The following NR6A1 variants were observed in gnomAD, a reference collection of about 807,000 sequenced individuals.
NR6A1 encodes retinoic acid receptor-related testis-associated receptor.
Under a neutral mutation model 59.1 loss-of-function variants are expected in NR6A1, and 7 were observed. The ratio of observed to expected loss-of-function variants is 0.12; its 90% CI spans 0.07 to 0.22. NR6A1 has a LOEUF of 0.22. Among genes scored for constraint, NR6A1 ranks in the 10% least tolerant of loss-of-function variants. The probability of loss-of-function intolerance (pLI) is 1.00; values close to 1 mark genes in which losing one functional copy is unlikely to be tolerated. For synonymous variants in NR6A1, 243 were observed against 236.1 expected, an observed-to-expected ratio of 1.03 and a Z score of -0.27; for missense variants, 468 against 611.6, an observed-to-expected ratio of 0.77 and a Z score of 2.48.
In NR6A1 at chr9:124,519,773, G is replaced by C. The variant is rs1222619683; in HGVS notation, c.*2932C>G. The C allele has an allele frequency of 1.3e-5, 2 of 151,828 alleles. No individual in the cohort carries two copies. Among genetic ancestry groups the C allele is most frequent in the African/African-American group, 4.8e-5 (2 of 41,276 alleles). The allele number at this position is 151,828 out of a possible 1,614,324, so 9.4% of individuals were successfully genotyped here. ...AAAAGTTAGCCGGGTGTGGTGGCGGGCGCCTGTAGTCCCAGCTACTCAGGA... is the reference window on the plus strand; with the variant it reads ...AAAAGTTAGCCGGGTGTGGTGGCGGCCGCCTGTAGTCCCAGCTACTCAGGA... On this transcript the variant is annotated 3_prime_UTR_variant, in exon 10 of 10. Coordinates refer to ENST00000487099, the MANE Select transcript of NR6A1 (RefSeq NM_033334.4).
intron 1 of NR6A1, among the ~76,000 whole-genome samples, chr9:124,760,838 A>G (rs1302791019): frequency 6.6e-6 from 1 of 152,332 alleles, no homozygotes; most frequent in African/African-American, 2.4e-5. Flanking sequence ...GTTAGGCCAC[A>G]CTCCAGAGTC....
chr9:124,565,866 T>C (rs1311232372), intron 2 of NR6A1, among the ~76,000 whole-genome samples: 7 of 152,232 alleles, frequency 4.6e-5, no homozygotes, highest in Non-Finnish European at 2.9e-5. Flanking sequence ...ATATTGTTGG[T>C]AGGACTGTTT....
intron 2 of NR6A1, among the ~76,000 whole-genome samples, chr9:124,725,034 T>C (rs1411407186): frequency 6.6e-6 from 1 of 152,204 alleles, no homozygotes; most frequent in Non-Finnish European, 1.5e-5. Context: ...TGACTTCTAT[T>C]CTCTAACTTC....
chr9:124,633,112 AAG>A (rs1588725783), intron 2 of NR6A1, among the ~76,000 whole-genome samples: 2 of 152,156 alleles, frequency 1.3e-5, no homozygotes, highest in African/African-American at 4.8e-5. Flanking sequence ...AGATGAATGG[AAG>A]ACACTTCAGG....
chr9:124,571,909 C>T (rs1372971240), intron 2 of NR6A1, among the ~76,000 whole-genome samples: 2 of 151,598 alleles, frequency 1.3e-5, no homozygotes, highest in Non-Finnish European at 2.9e-5. Flanking sequence ...TGATGAGTTT[C>T]TCTTACTTAC....
intron 2 of NR6A1, among the ~76,000 whole-genome samples, chr9:124,618,940 G>A (rs1322693974): frequency 6.6e-6 from 1 of 152,136 alleles, no homozygotes; most frequent in African/African-American, 2.4e-5. Flanking sequence ...GGGGGAGGAC[G>A]AATTTAGCAG....
intron 7 of NR6A1, among the ~76,000 whole-genome samples, chr9:124,533,575 G>A (rs1478164189): frequency 2.0e-5 from 3 of 152,174 alleles, no homozygotes; most frequent in Non-Finnish European, 4.4e-5. Context: ...CTGGGTGGGA[G>A]GGGGAGATGG....
intron 9 of NR6A1, among the ~76,000 whole-genome samples, chr9:124,524,442 T>C (rs1030280276): frequency 2.0e-5 from 3 of 152,246 alleles, no homozygotes; most frequent in Non-Finnish European, 2.9e-5. Flanking sequence ...AAAATGGCTA[T>C]AATATTGCCA....
chr9:124,580,397 T>C lies in NR6A1; in HGVS notation c.143-25827A>G, dbSNP rs563974665. Among the ~76,000 whole-genome samples the C allele has an allele frequency of 5.3e-5, 8 of 152,046 alleles. No individual in the cohort carries two copies. In the South Asian group the frequency reaches 1.7e-3, roughly 32 times the overall value. On this transcript the variant is annotated intron_variant, in intron 2 of 9. Coordinates refer to ENST00000487099, the MANE Select transcript of NR6A1 (RefSeq NM_033334.4). ...GTGGGTTAGCAGTCAGCTGAGGGTA[T>C]GACCACAAAATGACAGCATGAAAGA... is the stretch of plus-strand genomic sequence containing the variant.
chr9:124,675,085 T>C (rs563383635), intron 2 of NR6A1, among the ~76,000 whole-genome samples: 55 of 152,338 alleles, frequency 3.6e-4, no homozygotes, highest in African/African-American at 7.2e-4. Flanking sequence ...TTTCTTCCCA[T>C]ACTCCACAAA....
chr9:124,611,560 A>C (rs1835743655), intron 2 of NR6A1, among the ~76,000 whole-genome samples: 1 of 152,032 alleles, frequency 6.6e-6, no homozygotes, highest in Non-Finnish European at 1.5e-5. Context: ...ATATAGTGAG[A>C]CACTCACTTC....
chr9:124,714,595 G>A (rs933535949), intron 2 of NR6A1, among the ~76,000 whole-genome samples: 1 of 152,124 alleles, frequency 6.6e-6, no homozygotes, highest in Non-Finnish European at 1.5e-5. Context: ...CAAAAAGGAA[G>A]AAGTAAACTC....
chr9:124,745,540 G>A (rs879465956), intron 1 of NR6A1, among the ~76,000 whole-genome samples: 41 of 151,770 alleles, frequency 2.7e-4, no homozygotes, highest in African/African-American at 8.2e-4. Context: ...GCATGGTGGC[G>A]CATGCCTGTA....
At chr9:124,674,125 T>C (rs1837880622) in intron 2 of NR6A1, among the ~76,000 whole-genome samples, 1 of 152,236 alleles carries the variant, frequency 6.6e-6, no homozygotes, top group Non-Finnish European at 1.5e-5. Flanking sequence ...AACCACTTAG[T>C]ACAATGCCTG....
intron 2 of NR6A1, among the ~76,000 whole-genome samples, chr9:124,630,670 CTT>C (rs71372980): frequency 5.5e-4 from 33 of 59,508 alleles, no homozygotes; most frequent in African/African-American, 2.2e-3. Flanking sequence ...TACTACATTT[CTT>C]TTTTTTTTTT....
At position 124,554,033 on chromosome 9, in the gene NR6A1, C is replaced by A. The variant is rs564726333; in HGVS notation, c.385+295G>T. ...ATCCAAAAATTTCTACTTCTGTCAT[C>A]ATTCCTGAAATAACTAGTGAAGTAT... On this transcript the variant is annotated intron_variant, in intron 3 of 9. Transcript: ENST00000487099. Among the ~76,000 whole-genome samples the A allele has an allele frequency of 1.4e-4, 21 of 152,296 alleles. 1 individual carries two copies. The highest frequency in any genetic ancestry group is 6.8e-3 in the Middle Eastern group (2 of 294).
At position 124,651,718 on chromosome 9, in the gene NR6A1, A is replaced by C. The variant is rs1425780282; in HGVS notation, c.142+81590T>G. ...TAAAATAGGCCTCATTACATATCTAAAGAAATTATCCAAAATCCATGGCTT... is the reference window on the plus strand; with the variant it reads ...TAAAATAGGCCTCATTACATATCTACAGAAATTATCCAAAATCCATGGCTT... On this transcript the variant is annotated intron_variant, in intron 2 of 9. Transcript: ENST00000487099. Among the ~76,000 whole-genome samples the C allele has an allele frequency of 2.0e-5, 3 of 152,214 alleles. No individual in the cohort carries two copies. The East Asian group carries it at 5.8e-4, about 29-fold the overall frequency.
At chr9:124,594,658 CTT>C (rs1190929801) in intron 2 of NR6A1, among the ~76,000 whole-genome samples, 1 of 152,192 alleles carries the variant, frequency 6.6e-6, no homozygotes, top group Non-Finnish European at 1.5e-5. Context: ...CAAACTTTCT[CTT>C]GTTTCTGCTA....
At chr9:124,622,657 T>C (rs557761362) in intron 2 of NR6A1, among the ~76,000 whole-genome samples, 2 of 152,272 alleles carry the variant, frequency 1.3e-5, no homozygotes, top group African/African-American at 2.4e-5. Context: ...TTTTCAGGAT[T>C]TGGGCACCTA....
Sources: allele counts gnomAD v4.1 joint callset (sites outside exome capture counted in the v4.1 genomes callset), GRCh38; gene constraint gnomAD v4.1.1; transcripts MANE v1.5; gene names NCBI Gene and HGNC (gene_info 2026-07-23, HGNC 2026-07-21).